The following CNKSR3 variants were observed in gnomAD, a reference collection of about 807,000 sequenced individuals.
CNKSR3 encodes CNKSR family member 3.
CNKSR3 carries 36 observed loss-of-function variants against 67.7 expected under a neutral mutation model. That is an observed-to-expected ratio of 0.53 (90% CI 0.41 to 0.70). CNKSR3 has a LOEUF of 0.70. CNKSR3 is among the 30% of genes least tolerant of loss of function. The pLI, the probability that CNKSR3 is intolerant of heterozygous loss-of-function variation, is 0.00. For missense variants in CNKSR3, 630 were observed against 695.2 expected, an observed-to-expected ratio of 0.91 and a Z score of 1.05; for synonymous variants, 281 against 271.4, an observed-to-expected ratio of 1.04 and a Z score of -0.35.
chr6:154,482,902 T>C (rs1786593577), intron 1 of CNKSR3, among the ~76,000 whole-genome samples: 1 of 152,170 alleles, frequency 6.6e-6, no homozygotes, highest in South Asian at 2.1e-4. Flanking sequence ...TAATCAGAGA[T>C]GATTTTCCAC....
intron 1 of CNKSR3, among the ~76,000 whole-genome samples, chr6:154,508,235 T>C (rs1787142002): frequency 6.6e-6 from 1 of 152,232 alleles, no homozygotes; most frequent in Non-Finnish European, 1.5e-5. Flanking sequence ...GTGAAGCTTA[T>C]TTTAGTAATA....
intron 1 of CNKSR3, among the ~76,000 whole-genome samples, chr6:154,495,203 A>T (rs1372896746): frequency 6.6e-6 from 1 of 152,186 alleles, no homozygotes; most frequent in African/African-American, 2.4e-5. Flanking sequence ...AAGAGAGGGC[A>T]CTGCATTTTC....
chr6:154,489,698 G>A (rs943791084), intron 1 of CNKSR3, among the ~76,000 whole-genome samples: 3 of 152,128 alleles, frequency 2.0e-5, no homozygotes, highest in Non-Finnish European at 2.9e-5. Context: ...CTTTGGGGGC[G>A]TGGGGTTAGG....
rs533370516 is a variant in CNKSR3 at position 154,494,389 on chromosome 6, G to A, written c.52+15674C>T. On this transcript the variant is annotated intron_variant, in intron 1 of 12. Transcript: ENST00000607772. Reference sequence around the variant, plus strand: ...CCCTCCCATGACACGTGGGGATTATGGGAACTACAACTCAAGATGAGATTT... The same window carrying A: ...CCCTCCCATGACACGTGGGGATTATAGGAACTACAACTCAAGATGAGATTT... Among the ~76,000 whole-genome samples the A allele has an allele frequency of 3.9e-5, 6 of 152,188 alleles. No individual in the cohort carries two copies. The South Asian group carries it at 1.0e-3, about 26-fold the overall frequency.
chr6:154,471,738 C>G (rs1003254372), intron 1 of CNKSR3, among the ~76,000 whole-genome samples: 1 of 152,156 alleles, frequency 6.6e-6, no homozygotes, highest in Non-Finnish European at 1.5e-5. Flanking sequence ...ATCAGTGACA[C>G]AGTAGTTCCC....
rs1480566559 is a variant in CNKSR3 at position 154,486,289 on chromosome 6, C to CTTTTT, written c.52+23773_52+23774insAAAAA. Among the ~76,000 whole-genome samples the CTTTTT allele has an allele frequency of 1.3e-5, 2 of 149,868 alleles. 1 individual carries two copies. Among genetic ancestry groups the CTTTTT allele is most frequent in the African/African-American group, 5.0e-5 (2 of 40,198 alleles). Reference sequence around the variant, plus strand: ...TACAACTGTCTTCTCTTTTCTCTCTCTCTCTTTTTCTTTTTTTTTTTTTTT... The same window carrying CTTTTT: ...TACAACTGTCTTCTCTTTTCTCTCTCTTTTTTCTCTTTTTCTTTTTTTTTTTTTTT... On this transcript the variant is annotated intron_variant, in intron 1 of 12. Coordinates refer to ENST00000607772, the MANE Select transcript of CNKSR3 (RefSeq NM_173515.4).
At chr6:154,451,556 C>G (rs1785834043) in intron 1 of CNKSR3, among the ~76,000 whole-genome samples, 1 of 152,010 alleles carries the variant, frequency 6.6e-6, no homozygotes, top group Non-Finnish European at 1.5e-5. Context: ...TGCACACACA[C>G]ATTTATTTCA....
rs1453818843 is a variant in CNKSR3 at position 154,405,713 on chromosome 6, A to G, written c.*641T>C. 4 of 152,274 alleles carry G rather than the reference A, an allele frequency of 2.6e-5. No individual in the cohort carries two copies. The highest frequency in any genetic ancestry group is 4.4e-5 in the Non-Finnish European group (3 of 68,088). 9.4% of individuals were successfully genotyped at this position (152,274 alleles called of 1,614,324 possible). On this transcript the variant is annotated 3_prime_UTR_variant, in exon 13 of 13. Coordinates refer to ENST00000607772, the MANE Select transcript of CNKSR3 (RefSeq NM_173515.4). ...ACCATAAACTTCTTTGTGTGAAATAAGCCCTATCAAAATGTGTTCATGTAT... is the reference window on the plus strand; with the variant it reads ...ACCATAAACTTCTTTGTGTGAAATAGGCCCTATCAAAATGTGTTCATGTAT...
chr6:154,443,348 C>G (rs1235191038), intron 2 of CNKSR3, among the ~76,000 whole-genome samples: 1 of 152,150 alleles, frequency 6.6e-6, no homozygotes. Flanking sequence ...GTCCCTGTGT[C>G]TTACAGGATG....
At chr6:154,470,774 C>T (rs1251584440) in intron 1 of CNKSR3, among the ~76,000 whole-genome samples, 4 of 152,096 alleles carry the variant, frequency 2.6e-5, no homozygotes, top group African/African-American at 4.8e-5. Context: ...GGTGAATGTA[C>T]GTTCTCAGTT....
At chr6:154,407,357 T>C (rs1355809871) in intron 12 of CNKSR3, among the ~76,000 whole-genome samples, 2 of 152,188 alleles carry the variant, frequency 1.3e-5, no homozygotes, top group Non-Finnish European at 2.9e-5. Context: ...CCCTGGGATG[T>C]GGCTGGAATG....
intron 12 of CNKSR3, 132 bp from the exon 13 acceptor site, chr6:154,406,784 A>G: frequency 2.7e-6 from 2 of 734,402 alleles, no homozygotes; most frequent in Non-Finnish European, 4.4e-6. Flanking sequence ...CCTGGCCAAC[A>G]TGGTGAAACC....
intron 1 of CNKSR3, among the ~76,000 whole-genome samples, chr6:154,474,896 G>C (rs1021965598): frequency 2.4e-4 from 37 of 152,214 alleles, no homozygotes; most frequent in African/African-American, 7.0e-4. Flanking sequence ...CTTGACAGTG[G>C]CTGTGAGTGA....
rs1308964267 is a variant in CNKSR3, at chr6:154,402,698, T to G, written c.*3656A>C. 2.0e-5 allele frequency: 3 copies of G among 152,212 alleles called. No individual in the cohort carries two copies. Among genetic ancestry groups the G allele is most frequent in the Non-Finnish European group, 4.4e-5 (3 of 68,040 alleles). 9.4% of individuals were successfully genotyped at this position (152,212 alleles called of 1,614,324 possible). A position where few individuals can be genotyped will look rare whatever the true frequency, so the allele number is the denominator to read the frequency against. ...CTATATGAGTGAAGCCATTACAGACTAGGTATGCCTAGAACTTTATCTAAA... is the reference window on the plus strand; with the variant it reads ...CTATATGAGTGAAGCCATTACAGACGAGGTATGCCTAGAACTTTATCTAAA... On this transcript the variant is annotated 3_prime_UTR_variant, in exon 13 of 13. Coordinates refer to ENST00000607772, the MANE Select transcript of CNKSR3 (RefSeq NM_173515.4).
At chr6:154,437,717 T>C (rs984888698) in intron 4 of CNKSR3, among the ~76,000 whole-genome samples, 1 of 150,710 alleles carries the variant, frequency 6.6e-6, no homozygotes, top group African/African-American at 2.4e-5. Context: ...CTCCCAGCTA[T>C]GTTCTTCAAT....
chr6:154,451,941 G>A (rs937597935), intron 1 of CNKSR3, among the ~76,000 whole-genome samples: 2 of 152,188 alleles, frequency 1.3e-5, no homozygotes, highest in Admixed American at 1.3e-4. Flanking sequence ...AGCTACAGGT[G>A]GCCTTCGTGG....
At chr6:154,456,594 C>T (rs1034720085) in intron 1 of CNKSR3, among the ~76,000 whole-genome samples, 15 of 149,022 alleles carry the variant, frequency 1.0e-4, no homozygotes, top group Admixed American at 1.4e-4. Flanking sequence ...GTATTCTCAG[C>T]TACTCAGGAT....
rs1157625255 is a variant in CNKSR3, at chr6:154,510,363, G to A, written c.-249C>T. 6 of 537,018 alleles carry A rather than the reference G, an allele frequency of 1.1e-5. No individual in the cohort carries two copies. Among genetic ancestry groups the A allele is most frequent in the East Asian group, 3.5e-5 (1 of 28,402 alleles). The allele number at this position is 537,018 out of a possible 1,614,324, so 33.3% of individuals were successfully genotyped here. A position where few individuals can be genotyped will look rare whatever the true frequency, so the allele number is the denominator to read the frequency against. On this transcript the variant is annotated 5_prime_UTR_variant, in exon 1 of 13. Coordinates refer to ENST00000607772, the MANE Select transcript of CNKSR3 (RefSeq NM_173515.4). ...CTTCCCCCGCCGCCGCCGGGATCCC[G>A]GGCACAGCTGCTGCTCCCGAGCGAC...
intron 2 of CNKSR3, among the ~76,000 whole-genome samples, chr6:154,445,676 T>C (rs181211610): frequency 3.6e-4 from 55 of 152,326 alleles, no homozygotes; most frequent in Non-Finnish European, 2.1e-4. Context: ...CTCAATCTTC[T>C]AAAAACATAC....
Sources: gnomAD v4.1 joint callset for allele counts (sites outside exome capture counted in the v4.1 genomes callset) on GRCh38, gnomAD v4.1.1 for gene constraint, MANE v1.5 for transcripts, NCBI Gene and HGNC (gene_info 2026-07-23, HGNC 2026-07-21) for gene names.